Variants in ZNF860 observed in about 807,000 individuals in gnomAD.
ZNF860 encodes zinc finger protein 860.
For synonymous variants in ZNF860, 206 were observed against 248.9 expected, an observed-to-expected ratio of 0.83 and a Z score of 1.62; for missense variants, 641 against 759.2, an observed-to-expected ratio of 0.84 and a Z score of 1.83.
the ZNF860 span, among the ~76,000 whole-genome samples, chr3:31,999,737 T>C: frequency 0.063 from 9,630 of 152,232 alleles, 596 homozygotes; most frequent in East Asian, 0.32. Context: ...GCCTCTGCTA[T>C]GCCCAGATGT....
At chr3:32,002,882 A>T in the ZNF860 span, among the ~76,000 whole-genome samples, 1 of 146,658 alleles carries the variant, frequency 6.8e-6, no homozygotes, top group Non-Finnish European at 1.5e-5. Context: ...AGTCCAAGCT[A>T]ATTTTTACTT....
chr3:31,991,035 C>T lies in ZNF860; in HGVS notation c.*57C>T. 6.8e-7 allele frequency: 1 copy of T among 1,467,978 alleles called. No homozygotes were observed. The highest frequency in any genetic ancestry group is 1.4e-5 in the South Asian group (1 of 74,026). The allele number at this position is 1,467,978 out of a possible 1,614,324, so 90.9% of individuals were successfully genotyped here. On this transcript the variant is annotated 3_prime_UTR_variant, in exon 2 of 2. Transcript: ENST00000360311. ...ATTCCTGAGATAATTGTTCCAAATG[C>T]AATGAGTATAGCAAACCATCAAGCA...
rs1699015996 is a variant in ZNF860 at position 31,990,623 on chromosome 3, G to C, written c.1544G>C (p.Cys515Ser). 6.2e-7 allele frequency: 1 copy of C among 1,614,154 alleles called. No homozygotes were observed. Among genetic ancestry groups the C allele is most frequent in the African/African-American group, 1.3e-5 (1 of 75,054 alleles). ...TGEKPYKCNECGKVFNQQATL... is the reference protein window; with the variant it reads ...TGEKPYKCNESGKVFNQQATL... ...GAGAAACCTTACAAGTGTAATGAAT[G>C]TGGCAAGGTTTTTAATCAACAAGCA... Residue 515 changes from cysteine (C) to serine (S), a missense_variant, in exon 2 of 2, where the codon TGT becomes TCT. Coordinates refer to ENST00000360311, the MANE Select transcript of ZNF860 (RefSeq NM_001137674.3).
In ZNF860 at chr3:31,989,539, C is replaced by A. The variant is rs1698993870; in HGVS notation, c.460C>A (p.Gln154Lys). 6.2e-7 allele frequency: 1 copy of A among 1,614,190 alleles called. No individual in the cohort carries two copies. The highest frequency in any genetic ancestry group is 1.3e-5 in the African/African-American group (1 of 75,052). ...TCCTGGAAACAAGCCTATCAAAGATCAGCTTGGATTAAGCTTTCATTCGCA... is the reference window on the plus strand; with the variant it reads ...TCCTGGAAACAAGCCTATCAAAGATAAGCTTGGATTAAGCTTTCATTCGCA... ...RHPGNKPIKDQLGLSFHSHLP... is the reference protein window; with the variant it reads ...RHPGNKPIKDKLGLSFHSHLP... The change falls in exon 2 of 2, where the codon CAG becomes AAG. Residue 154 changes from glutamine (Q) to lysine (K), a missense_variant. Physicochemically the swap from Gln to Lys is moderately conservative, Grantham distance 53 (BLOSUM62 1). Transcript: ENST00000360311.
chr3:31,985,938 A>T (rs1292175890), intron 1 of ZNF860, among the ~76,000 whole-genome samples: 1 of 152,210 alleles, frequency 6.6e-6, no homozygotes, highest in African/African-American at 2.4e-5. Context: ...GTTCAGCAAC[A>T]TCCCCCAAAT....
chr3:31,997,564 T>C, the ZNF860 span, among the ~76,000 whole-genome samples: 1 of 151,856 alleles, frequency 6.6e-6, no homozygotes, highest in Non-Finnish European at 1.5e-5. Context: ...GCAAACATCA[T>C]TCATTGTTAA....
rs769957770 is a variant in ZNF860 at position 31,989,766 on chromosome 3, T to C, written c.687T>C (p.Ser229=). Residue 229 remains serine (S), a synonymous_variant, in exon 2 of 2, where the codon TCT becomes TCC. Transcript: ENST00000360311. ...AGGAAGTACACATAAGAGAAAAATC[T>C]TTCCAATGTAATGAGAGTGGCAAAG... is the stretch of plus-strand genomic sequence containing the variant. ...LKQEVHIREK[S]FQCNESGKAF... 1.9e-6 allele frequency: 3 copies of C among 1,614,216 alleles called. No individual in the cohort carries two copies. Among genetic ancestry groups the C allele is most frequent in the Non-Finnish European group, 2.5e-6 (3 of 1,180,020 alleles).
intron 1 of ZNF860, among the ~76,000 whole-genome samples, chr3:31,988,305 G>T (rs972836078): frequency 1.3e-5 from 2 of 152,180 alleles, no homozygotes; most frequent in African/African-American, 4.8e-5. Context: ...ACCTGACTTA[G>T]ATGGTGAGAT....
rs746328972 is a variant in ZNF860 at position 31,989,041 on chromosome 3, T to A, written c.-39T>A. On this transcript the variant is annotated 5_prime_UTR_variant, in exon 2 of 2. Coordinates refer to ENST00000360311, the MANE Select transcript of ZNF860 (RefSeq NM_001137674.3). ...CAGAGCAGGAAGCAGATCGCCTCAG[T>A]GAAGGTCACACTGCAGCACTATTGA... is the stretch of plus-strand genomic sequence containing the variant. 2.5e-6 allele frequency: 4 copies of A among 1,610,822 alleles called. No individual in the cohort carries two copies. The highest frequency in any genetic ancestry group is 3.4e-6 in the Non-Finnish European group (4 of 1,178,274).
downstream of ZNF860, among the ~76,000 whole-genome samples, chr3:31,992,113 T>G (rs937466796): frequency 7.3e-6 from 1 of 136,270 alleles, no homozygotes; most frequent in Non-Finnish European, 1.5e-5. Flanking sequence ...CCCACTGCAC[T>G]CCAACCTAGG....
chr3:32,005,225 C>T, the ZNF860 span, among the ~76,000 whole-genome samples: 1 of 152,140 alleles, frequency 6.6e-6, no homozygotes, highest in Non-Finnish European at 1.5e-5. Flanking sequence ...TCTCCCTCCC[C>T]TTGCCCCCTA....
At chr3:31,994,275 G>A (rs966955847), downstream of ZNF860, among the ~76,000 whole-genome samples, 4 of 152,334 alleles carry the variant, frequency 2.6e-5, no homozygotes, top group East Asian at 3.8e-4. Flanking sequence ...GTATTTGAAC[G>A]TGGGTGGAGT....
At chr3:31,985,348 G>A (rs553407914) in intron 1 of ZNF860, among the ~76,000 whole-genome samples, 16 of 152,280 alleles carry the variant, frequency 1.1e-4, no homozygotes, top group South Asian at 1.0e-3. Context: ...AATTTTAAAC[G>A]TAAATAGAAT....
At chr3:31,985,410 G>A (rs913215234) in intron 1 of ZNF860, among the ~76,000 whole-genome samples, 1 of 152,200 alleles carries the variant, frequency 6.6e-6, no homozygotes, top group African/African-American at 2.4e-5. Flanking sequence ...TGGGAATGAA[G>A]CTATGCATGA....
chr3:31,999,592 C>T, the ZNF860 span, among the ~76,000 whole-genome samples: 3 of 152,036 alleles, frequency 2.0e-5, no homozygotes, highest in African/African-American at 7.2e-5. Context: ...AACTTCCTAC[C>T]TCAGGTGATC....
downstream of ZNF860, among the ~76,000 whole-genome samples, chr3:31,992,700 C>A (rs1382913722): frequency 6.6e-6 from 1 of 152,146 alleles, no homozygotes; most frequent in Non-Finnish European, 1.5e-5. Flanking sequence ...ATGCAAAAAA[C>A]AAACAAACCT....
Position 31,989,289 on chromosome 3 carries a change from G to A in ZNF860, c.210G>A (p.Met70Ile), listed in dbSNP as rs199689587. The A allele has an allele frequency of 1.1e-5, 17 of 1,614,062 alleles. No individual in the cohort carries two copies. In the East Asian group the frequency reaches 3.8e-4, roughly 36 times the overall value. The change falls in exon 2 of 2, where the codon ATG becomes ATA. Residue 70 changes from methionine to isoleucine, a missense_variant. Transcript: ENST00000360311. ...LHSVDISSKC[M>I]MKKFSSTAQG... is the part of the protein sequence containing the mutation. Reference sequence around the variant, plus strand: ...CTGTGGATATCTCTTCCAAATGCATGATGAAGAAGTTCTCATCAACAGCGC... The same window carrying A: ...CTGTGGATATCTCTTCCAAATGCATAATGAAGAAGTTCTCATCAACAGCGC...
In ZNF860 at chr3:31,988,991, G is replaced by A. The variant is rs976940980; in HGVS notation, c.-89G>A. The A allele has an allele frequency of 7.2e-6, 11 of 1,532,396 alleles. No individual in the cohort carries two copies. The South Asian group carries it at 9.6e-5, about 13-fold the overall frequency. The allele number at this position is 1,532,396 out of a possible 1,614,324, so 94.9% of individuals were successfully genotyped here. On this transcript the variant is annotated 5_prime_UTR_variant, in exon 2 of 2. Coordinates refer to ENST00000360311, the MANE Select transcript of ZNF860 (RefSeq NM_001137674.3). ...TAAGCCACGAAGTTTGTGATAATTT[G>A]TTTCTCGGAAACAGATAACTAATAC...
downstream of ZNF860, among the ~76,000 whole-genome samples, chr3:31,992,970 T>A (rs983525884): frequency 3.9e-5 from 6 of 152,000 alleles, no homozygotes; most frequent in Non-Finnish European, 5.9e-5. Flanking sequence ...GCCACTGCAC[T>A]CCAGCCCAGG....
Sources: allele counts gnomAD v4.1 joint callset (sites outside exome capture counted in the v4.1 genomes callset), GRCh38; gene constraint gnomAD v4.1.1; transcripts MANE v1.5; gene names NCBI Gene and HGNC (gene_info 2026-07-23, HGNC 2026-07-21).